The following ARHGAP42 variants were observed in gnomAD, a reference collection of about 807,000 sequenced individuals.
ARHGAP42 encodes Rho GTPase activating protein 42.
In ARHGAP42, 63 loss-of-function variants were observed where a neutral mutation model predicts 125.0. The ratio of observed to expected loss-of-function variants is 0.50; its 90% confidence interval spans 0.41 to 0.62. ARHGAP42 has a LOEUF of 0.62. Ranked by LOEUF, ARHGAP42 falls within the 20% of genes least tolerant of loss-of-function variation. The pLI is 0.00. For synonymous variants in ARHGAP42, 339 were observed against 351.0 expected (o/e 0.97, Z 0.38); for missense variants, 766 against 1,024.2 (o/e 0.75, Z 3.44).
chr11:100,691,589 C>T (rs1471024827), intron 1 of ARHGAP42, among the ~76,000 whole-genome samples: 3 of 152,144 alleles, frequency 2.0e-5, no homozygotes, highest in Non-Finnish European at 1.5e-5. Context: ...AGACACGGCT[C>T]ACTGCAGCCT....
At chr11:100,936,394 T>G (rs1867739143) in intron 8 of ARHGAP42, 62 bp downstream of exon 8, 2 of 1,541,010 alleles carry the variant, frequency 1.3e-6, no homozygotes, top group South Asian at 2.4e-5. Flanking sequence ...GAGATGTGAC[T>G]TGGTTAGTAG....
chr11:100,839,531 A>G (rs189477654), intron 3 of ARHGAP42: 17 of 152,320 alleles, frequency 1.1e-4, no homozygotes, highest in Admixed American at 8.5e-4. Flanking sequence ...GAGTAGAGTA[A>G]AAGCACCATT....
intron 1 of ARHGAP42, among the ~76,000 whole-genome samples, chr11:100,739,690 C>CT (rs141913306): frequency 0.037 from 5,664 of 152,254 alleles, 116 homozygotes; most frequent in Non-Finnish European, 0.051. Context: ...ATAAGCCCCT[C>CT]TTTTCTTGTT....
At chr11:100,875,425 G>C (rs997260722) in intron 4 of ARHGAP42, among the ~76,000 whole-genome samples, 8 of 151,986 alleles carry the variant, frequency 5.3e-5, no homozygotes, top group Non-Finnish European at 1.2e-4. Context: ...GGCATTTCTG[G>C]CTTCGGAGCC....
At chr11:100,937,297 G>T (rs1271094921) in intron 8 of ARHGAP42, among the ~76,000 whole-genome samples, 4 of 151,994 alleles carry the variant, frequency 2.6e-5, no homozygotes, top group African/African-American at 9.7e-5. Flanking sequence ...GATCTGCCTG[G>T]GTACTCTATA....
At position 100,687,465 on chromosome 11, in the gene ARHGAP42, G is replaced by T. The variant is rs764422120; in HGVS notation, c.-214G>T. Among the ~76,000 whole-genome samples, 3 of 151,872 alleles carry T rather than the reference G, an allele frequency of 2.0e-5. No homozygotes were observed. Among genetic ancestry groups the T allele is most frequent in the Non-Finnish European group, 4.4e-5 (3 of 67,936 alleles). ...GGACTCGCGCCTCGGCCCGCCGCCC[G>T]CGCCTGCGCTCGCCTAGCCTCGGGG... On this transcript the variant is annotated 5_prime_UTR_variant, in exon 1 of 24. Coordinates refer to ENST00000298815, the MANE Select transcript of ARHGAP42 (RefSeq NM_152432.4).
At chr11:100,886,331 A>T (rs1000881113) in intron 4 of ARHGAP42, among the ~76,000 whole-genome samples, 3 of 152,194 alleles carry the variant, frequency 2.0e-5, no homozygotes, top group Admixed American at 6.5e-5. Flanking sequence ...TCCTTGAATA[A>T]GTGTATGAAA....
chr11:100,918,707 T>C (rs1416675840), intron 5 of ARHGAP42, among the ~76,000 whole-genome samples: 1 of 152,216 alleles, frequency 6.6e-6, no homozygotes, highest in Non-Finnish European at 1.5e-5. Flanking sequence ...TAAACTGTCA[T>C]ATTCCTTAAT....
intron 4 of ARHGAP42, among the ~76,000 whole-genome samples, chr11:100,887,522 A>G (rs1172293999): frequency 2.6e-5 from 4 of 152,214 alleles, no homozygotes; most frequent in African/African-American, 9.6e-5. Flanking sequence ...GAGTCTTTCT[A>G]GGTTAAAAAT....
rs1464717304 is a variant in ARHGAP42 at position 100,989,636 on chromosome 11, T to A, written c.*835T>A. ...TATACTGATAAATTATATGCACATA[T>A]TTTCTACCAGTAGCATTATAGTGGC... On this transcript the variant is annotated 3_prime_UTR_variant, in exon 24 of 24. Coordinates refer to ENST00000298815, the MANE Select transcript of ARHGAP42 (RefSeq NM_152432.4). The A allele has an allele frequency of 6.6e-6, 1 of 152,324 alleles. No individual in the cohort carries two copies. Among genetic ancestry groups the A allele is most frequent in the East Asian group, 1.9e-4 (1 of 5,206 alleles). 9.4% of individuals were successfully genotyped at this position (152,324 alleles called of 1,614,324 possible).
In ARHGAP42 at chr11:100,921,229, ATATATATATATATATATTTTTTTTTTT is replaced by A. The variant is rs1489395731; in HGVS notation, c.487-263_487-237del. Reference sequence around the variant, plus strand: ...TATATATATACATATATATATATATATATATATATATATATATTTTTTTTTTTTTTTTTTTTTTTTTTTTACTGCAAT... The same window carrying A: ...TATATATATACATATATATATATATATTTTTTTTTTTTTTTTTACTGCAAT... On this transcript the variant is annotated intron_variant, in intron 5 of 23. Coordinates refer to ENST00000298815, the MANE Select transcript of ARHGAP42 (RefSeq NM_152432.4). 3.4e-5 allele frequency among the ~76,000 whole-genome samples: 2 copies of A among 58,578 alleles called. 1 individual carries two copies. The highest frequency in any genetic ancestry group is 6.1e-5 in the Non-Finnish European group (2 of 32,688). The allele number at this position is 58,578 out of a possible 152,430, so 38.4% of individuals were successfully genotyped here.
chr11:100,900,814 C>G (rs1415247587), intron 4 of ARHGAP42, among the ~76,000 whole-genome samples: 1 of 151,316 alleles, frequency 6.6e-6, no homozygotes, highest in African/African-American at 2.4e-5. Context: ...TTTGTCTAAC[C>G]CTTTTTCAAG....
chr11:100,730,318 A>G (rs117695557), intron 1 of ARHGAP42, among the ~76,000 whole-genome samples: 1,559 of 152,252 alleles, frequency 0.01, 11 homozygotes, highest in Non-Finnish European at 0.014. Context: ...CAGCATCTGA[A>G]TTCTCTTTAG....
chr11:100,880,327 C>T (rs1865928967), intron 4 of ARHGAP42, among the ~76,000 whole-genome samples: 1 of 152,158 alleles, frequency 6.6e-6, no homozygotes, highest in African/African-American at 2.4e-5. Context: ...TAGCTTAGCT[C>T]CCAATTATAA....
At position 100,953,062 on chromosome 11, in the gene ARHGAP42, A is replaced by AATC. The variant is rs1158731393; in HGVS notation, c.1162+3108_1162+3110dup. Among the ~76,000 whole-genome samples, 3 of 152,094 alleles carry AATC rather than the reference A, an allele frequency of 2.0e-5. No individual in the cohort carries two copies. In the East Asian group the frequency reaches 5.8e-4, roughly 29 times the overall value. ...GTGAGCTCATTGTGTTAAGTGCTTA[A>AATC]ATCAGTTTATATCTTTCTTTTTGTC... On this transcript the variant is annotated intron_variant, in intron 12 of 23. Coordinates refer to ENST00000298815, the MANE Select transcript of ARHGAP42 (RefSeq NM_152432.4).
chr11:100,713,878 C>T lies in ARHGAP42; in HGVS notation c.154+26046C>T, dbSNP rs17095351. On this transcript the variant is annotated intron_variant, in intron 1 of 23. Transcript: ENST00000298815. ...GTTGCATTTTGTTTACTTTGGTGAT[C>T]CATATGTTTGTATTTCTAATGTGGA... 9.7e-3 allele frequency among the ~76,000 whole-genome samples: 1,476 copies of T among 152,142 alleles called. 15 individuals are homozygous for T. The highest frequency in any genetic ancestry group is 0.033 in the African/African-American group (1,368 of 41,510).
intron 3 of ARHGAP42, among the ~76,000 whole-genome samples, chr11:100,806,685 C>T (rs896243941): frequency 3.3e-5 from 5 of 151,972 alleles, no homozygotes; most frequent in African/African-American, 1.2e-4. Flanking sequence ...TTTCCATCTC[C>T]TGATTTCCAG....
intron 4 of ARHGAP42, among the ~76,000 whole-genome samples, chr11:100,862,390 A>G (rs1314186007): frequency 6.6e-6 from 1 of 151,998 alleles, no homozygotes; most frequent in Non-Finnish European, 1.5e-5. Context: ...CTAGCCCCCA[A>G]AAAGAGTAAG....
chr11:100,700,551 C>A (rs76967195), intron 1 of ARHGAP42, among the ~76,000 whole-genome samples: 6,319 of 152,242 alleles, frequency 0.042, 246 homozygotes, highest in East Asian at 0.22. Flanking sequence ...TATTCTAAAT[C>A]GCTTGCTGTC....
Sources: gnomAD v4.1 joint callset for allele counts (sites outside exome capture counted in the v4.1 genomes callset) on GRCh38, gnomAD v4.1.1 for gene constraint, MANE v1.5 for transcripts, NCBI Gene and HGNC (gene_info 2026-07-23, HGNC 2026-07-21) for gene names.